The following CREBL2 variants were observed in gnomAD, a reference collection of about 807,000 sequenced individuals.
CREBL2 encodes the protein cAMP responsive element binding protein like 2, also known as cAMP-responsive element-binding protein-like 2.
A neutral mutation model predicts 19.5 loss-of-function variants in CREBL2; 4 were observed. The ratio of observed to expected loss-of-function variants is 0.20; its 90% CI spans 0.10 to 0.47. CREBL2 has a LOEUF of 0.47. Ranked by LOEUF, CREBL2 falls within the 20% of genes least tolerant of loss-of-function variation. CREBL2 has a pLI of 0.98. For missense variants in CREBL2, 85 were observed against 145.1 expected (o/e 0.59, Z 2.13); for synonymous variants, 42 against 46.6 (o/e 0.90, Z 0.40).
intron 3 of CREBL2, 141 bp from the exon 4 acceptor site, chr12:12,641,853 C>CT (rs572312767): frequency 1.6e-4 from 72 of 453,532 alleles, no homozygotes; most frequent in Middle Eastern, 5.6e-4. Flanking sequence ...GCCAAATCAG[C>CT]TTTTTTTTAG....
At chr12:12,639,713 C>T (rs1945503246) in intron 3 of CREBL2, among the ~76,000 whole-genome samples, 1 of 152,124 alleles carries the variant, frequency 6.6e-6, no homozygotes, top group Non-Finnish European at 1.5e-5. Context: ...TTTCTATTTT[C>T]CATAAATGTC....
intron 1 of CREBL2, among the ~76,000 whole-genome samples, chr12:12,634,897 C>T (rs1592241877): frequency 6.6e-6 from 1 of 151,480 alleles, no homozygotes; most frequent in Non-Finnish European, 1.5e-5. Context: ...CTCTACAAAG[C>T]GATTTTTTTT....
chr12:12,614,414 G>A, intron 1 of CREBL2: 1 of 153,382 alleles, frequency 6.5e-6, no homozygotes, highest in Non-Finnish European at 1.4e-5. Flanking sequence ...TTTTCCACTG[G>A]TGGAGTAGGC....
intron 1 of CREBL2, among the ~76,000 whole-genome samples, chr12:12,619,073 G>A (rs12831831): frequency 0.48 from 72,409 of 151,462 alleles, 19,726 homozygotes; most frequent in Non-Finnish European, 0.6. Flanking sequence ...GGGAGAGGGA[G>A]AGGAGGGAGA....
At chr12:12,641,249 TATTATTTTTTTTTA>T (rs1566116913) in intron 3 of CREBL2, among the ~76,000 whole-genome samples, 15 of 60,302 alleles carry the variant, frequency 2.5e-4, no homozygotes, top group African/African-American at 8.3e-4. Context: ...TTATTATTAT[TATTATTTTTTTTTA>T]TTTTTTTTTT....
At chr12:12,641,225 C>CT (rs1463904596) in intron 3 of CREBL2, among the ~76,000 whole-genome samples, 2 of 73,916 alleles carry the variant, frequency 2.7e-5, no homozygotes, top group Admixed American at 1.5e-4. Context: ...TGTCACAAAC[C>CT]TTTATTATTA....
chr12:12,618,246 CG>C (rs1175491417), intron 1 of CREBL2, among the ~76,000 whole-genome samples: 1 of 151,236 alleles, frequency 6.6e-6, no homozygotes, highest in African/African-American at 2.4e-5. Context: ...GGGCGGCTGC[CG>C]GGCGGAGACG....
Position 12,635,811 on chromosome 12 carries a change from G to C in CREBL2, c.50G>C (p.Arg17Pro). Residue 17 changes from arginine (R) to proline (P), a missense_variant, in exon 2 of 4, where the codon CGT becomes CCT. Physicochemically the swap from Arg to Pro is moderately radical, Grantham distance 103. Transcript: ENST00000228865. Reference protein sequence around the residue: ...VGGKVKKPGKRGRKPAKIDLK... With the variant: ...VGGKVKKPGKPGRKPAKIDLK... Reference sequence around the variant, plus strand: ...GGCAAAGTAAAGAAGCCCGGTAAACGTGGTCGGAAGCCAGCCAAAATTGAC... The same window carrying C: ...GGCAAAGTAAAGAAGCCCGGTAAACCTGGTCGGAAGCCAGCCAAAATTGAC... 1 of 1,613,222 alleles carries C rather than the reference G, an allele frequency of 6.2e-7. No homozygotes were observed.
intron 1 of CREBL2, among the ~76,000 whole-genome samples, chr12:12,620,175 A>G (rs957244873): frequency 2.0e-5 from 3 of 152,140 alleles, no homozygotes; most frequent in Admixed American, 6.5e-5. Flanking sequence ...CAAAAGAGCC[A>G]TGTTGTCTAT....
At chr12:12,631,312 G>T (rs189465895) in intron 1 of CREBL2, among the ~76,000 whole-genome samples, 5 of 152,272 alleles carry the variant, frequency 3.3e-5, no homozygotes, top group Admixed American at 3.3e-4. Flanking sequence ...CTCACTGTCC[G>T]CATCTCACAA....
intron 1 of CREBL2, chr12:12,615,388 G>C (rs942673747): frequency 1.3e-5 from 2 of 151,752 alleles, no homozygotes; most frequent in African/African-American, 2.4e-5. Flanking sequence ...ACAGAGACAG[G>C]GTTTCATCAT....
intron 1 of CREBL2, among the ~76,000 whole-genome samples, chr12:12,617,762 G>A (rs980025582): frequency 6.3e-5 from 9 of 143,692 alleles, no homozygotes; most frequent in Non-Finnish European, 1.1e-4. Context: ...GGGAAGGTCA[G>A]CAGATAAACA....
At chr12:12,620,722 GTTTA>G (rs1422939808) in intron 1 of CREBL2, among the ~76,000 whole-genome samples, 3 of 152,190 alleles carry the variant, frequency 2.0e-5, no homozygotes, top group Non-Finnish European at 4.4e-5. Flanking sequence ...TTTCAGAAAA[GTTTA>G]TTTATTAATT....
intron 3 of CREBL2, among the ~76,000 whole-genome samples, chr12:12,640,918 C>T (rs1288083136): frequency 1.3e-5 from 2 of 151,976 alleles, no homozygotes; most frequent in Non-Finnish European, 2.9e-5. Context: ...TTTTGTTACT[C>T]ATGCTTTTGG....
chr12:12,613,155 C>T (rs1945281281), intron 1 of CREBL2, among the ~76,000 whole-genome samples: 1 of 152,238 alleles, frequency 6.6e-6, no homozygotes, highest in South Asian at 2.1e-4. Context: ...CAGGCGTGAG[C>T]CACCGCGCCT....
intron 3 of CREBL2, among the ~76,000 whole-genome samples, chr12:12,641,082 T>C (rs374886125): frequency 4.6e-5 from 7 of 151,872 alleles, no homozygotes; most frequent in Middle Eastern, 3.4e-3. Context: ...AGTCCATATG[T>C]TGCATGTGAG....
intron 1 of CREBL2, among the ~76,000 whole-genome samples, chr12:12,625,058 G>A (rs1326592421): frequency 1.3e-5 from 2 of 151,974 alleles, no homozygotes; most frequent in East Asian, 1.9e-4. Context: ...ACATCTAGCC[G>A]TAGTCTCGTC....
intron 1 of CREBL2, among the ~76,000 whole-genome samples, chr12:12,613,794 G>A (rs1299683772): frequency 6.6e-6 from 1 of 152,062 alleles, no homozygotes; most frequent in Non-Finnish European, 1.5e-5. Flanking sequence ...ACAGAATGCG[G>A]GATAACATTG....
At chr12:12,641,253 ATTT>A (rs142404101) in intron 3 of CREBL2, among the ~76,000 whole-genome samples, 2 of 78,244 alleles carry the variant, frequency 2.6e-5, no homozygotes, top group African/African-American at 9.6e-5. Flanking sequence ...TATTATTATT[ATTT>A]TTTTTTATTT....
Sources: gnomAD v4.1 joint callset for allele counts (sites outside exome capture counted in the v4.1 genomes callset) on GRCh38, gnomAD v4.1.1 for gene constraint, MANE v1.5 for transcripts, NCBI Gene and HGNC (gene_info 2026-07-23, HGNC 2026-07-21) for gene names.